Variants in FGGY observed in about 807,000 individuals in gnomAD.
FGGY encodes FGGY carbohydrate kinase domain-containing protein.
FGGY carries 72 observed loss-of-function variants against 71.3 expected under a neutral mutation model. The ratio of observed to expected loss-of-function variants is 1.01; its 90% CI spans 0.84 to 1.23. The LOEUF (loss-of-function observed/expected upper bound fraction) is 1.23, where lower values mean the gene tolerates loss of function less well. Among genes scored for constraint, FGGY ranks in the 50% most tolerant of loss-of-function variants. The pLI is 0.00. For synonymous variants in FGGY, 251 were observed against 250.3 expected, an observed-to-expected ratio of 1.00 and a Z score of -0.02; for missense variants, 668 against 682.3, an observed-to-expected ratio of 0.98 and a Z score of 0.23.
At chr1:59,518,008 C>G (rs1296444388) in intron 7 of FGGY, among the ~76,000 whole-genome samples, 1 of 152,220 alleles carries the variant, frequency 6.6e-6, no homozygotes, top group African/African-American at 2.4e-5. Context: ...CAAGAGCAAG[C>G]TTTGTTCCTT....
chr1:59,759,559 AG>A (rs1428164051), intron 15 of FGGY, among the ~76,000 whole-genome samples: 1 of 152,210 alleles, frequency 6.6e-6, no homozygotes, highest in Admixed American at 6.5e-5. Flanking sequence ...GTGTTCAGAG[AG>A]TCCTCCGCTG....
chr1:59,551,104 ATGGTGGTGG>A (rs2095601482), intron 7 of FGGY, among the ~76,000 whole-genome samples: 1 of 152,082 alleles, frequency 6.6e-6, no homozygotes, highest in South Asian at 2.1e-4. Flanking sequence ...GATGGTGATG[ATGGTGGTGG>A]TGGAGAGAGT....
At chr1:59,661,170 AT>A (rs2097270403) in intron 12 of FGGY, among the ~76,000 whole-genome samples, 1 of 152,264 alleles carries the variant, frequency 6.6e-6, no homozygotes, top group African/African-American at 2.4e-5. Flanking sequence ...ACGTACATAT[AT>A]GATATTCAAT....
At chr1:59,653,360 C>A (rs189388138) in intron 11 of FGGY, among the ~76,000 whole-genome samples, 5,178 of 152,204 alleles carry the variant, frequency 0.034, 170 homozygotes, top group African/African-American at 0.088. Context: ...GCCTTGCTGC[C>A]GCCTTGCAGT....
At chr1:59,468,926 T>C (rs991338992) in intron 6 of FGGY, among the ~76,000 whole-genome samples, 6 of 149,058 alleles carry the variant, frequency 4.0e-5, no homozygotes, top group Admixed American at 6.7e-5. Flanking sequence ...GATAGGTATA[T>C]GCTGGGGACA....
intron 8 of FGGY, among the ~76,000 whole-genome samples, chr1:59,568,427 A>G (rs796192624): frequency 1.7e-4 from 19 of 112,912 alleles, no homozygotes; most frequent in African/African-American, 6.3e-4. Flanking sequence ...AGGATTTACT[A>G]TGTTGTTACT....
At chr1:59,353,094 A>G (rs2053611131) in intron 4 of FGGY, among the ~76,000 whole-genome samples, 1 of 152,126 alleles carries the variant, frequency 6.6e-6, no homozygotes, top group South Asian at 2.1e-4. Flanking sequence ...TTGCATTTAA[A>G]TTTTTCTGTA....
intron 11 of FGGY, among the ~76,000 whole-genome samples, chr1:59,657,917 C>T (rs1281397138): frequency 6.6e-6 from 1 of 152,208 alleles, no homozygotes; most frequent in Non-Finnish European, 1.5e-5. Context: ...TGGTCTCCTC[C>T]TCTCTGATTG....
chr1:59,421,114 C>A (rs190053633), intron 5 of FGGY, among the ~76,000 whole-genome samples: 1 of 152,162 alleles, frequency 6.6e-6, no homozygotes, highest in African/African-American at 2.4e-5. Context: ...GGACCAGTTT[C>A]TTTGATTAAC....
chr1:59,472,478 C>G (rs1965806), intron 6 of FGGY, among the ~76,000 whole-genome samples: 54,877 of 152,044 alleles, frequency 0.36, 10,662 homozygotes, highest in Middle Eastern at 0.49. Context: ...GGGCGCACGG[C>G]GCGGGACTGG....
chr1:59,498,283 G>A (rs768244397), intron 6 of FGGY, among the ~76,000 whole-genome samples: 1 of 152,166 alleles, frequency 6.6e-6, no homozygotes, highest in South Asian at 2.1e-4. Flanking sequence ...CAGAAGAGAG[G>A]CCATCGTTTA....
intron 4 of FGGY, among the ~76,000 whole-genome samples, chr1:59,367,056 A>G (rs1180762057): frequency 1.3e-5 from 2 of 152,234 alleles, no homozygotes; most frequent in Non-Finnish European, 2.9e-5. Flanking sequence ...GCCAGACTAC[A>G]GAGTTAAAAT....
chr1:59,457,448 A>G (rs2091821082), intron 6 of FGGY, among the ~76,000 whole-genome samples: 1 of 152,132 alleles, frequency 6.6e-6, no homozygotes, highest in Non-Finnish European at 1.5e-5. Flanking sequence ...CATTTCTACA[A>G]GAAAAATACA....
At chr1:59,723,386 C>T (rs1327879355) in intron 14 of FGGY, among the ~76,000 whole-genome samples, 1 of 152,156 alleles carries the variant, frequency 6.6e-6, no homozygotes, top group African/African-American at 2.4e-5. Flanking sequence ...TAAATTCCCC[C>T]TCAAATAATG....
Position 59,431,381 on chromosome 1 carries a change from T to A in FGGY, c.555-25580T>A, listed in dbSNP as rs116813242. 4.1e-3 allele frequency among the ~76,000 whole-genome samples: 622 copies of A among 152,242 alleles called. 3 individuals carry two copies. Among genetic ancestry groups the A allele is most frequent in the African/African-American group, 0.014 (582 of 41,532 alleles). ...CACTACCATGGATCAAGCCCCATGG[T>A]TCCCTTTATTCTCTTTCAACTCTGT... On this transcript the variant is annotated intron_variant, in intron 5 of 15. Transcript: ENST00000303721.
intron 8 of FGGY, among the ~76,000 whole-genome samples, chr1:59,604,117 C>T (rs1430923408): frequency 6.6e-6 from 1 of 152,240 alleles, no homozygotes; most frequent in Non-Finnish European, 1.5e-5. Flanking sequence ...GCCGTTATTA[C>T]TGGGAAGTCA....
chr1:59,513,906 A>G (rs1373185165), intron 7 of FGGY, among the ~76,000 whole-genome samples: 3 of 152,228 alleles, frequency 2.0e-5, no homozygotes, highest in South Asian at 2.1e-4. Context: ...ATCTATGGAC[A>G]TGTCTGTCCT....
intron 14 of FGGY, among the ~76,000 whole-genome samples, chr1:59,739,936 T>C (rs1484975128): frequency 6.6e-6 from 1 of 152,164 alleles, no homozygotes; most frequent in Non-Finnish European, 1.5e-5. Flanking sequence ...TGGAGAATAA[T>C]GAAGTTGTTT....
At chr1:59,616,798 A>C (rs1449473531) in intron 9 of FGGY, among the ~76,000 whole-genome samples, 2 of 152,094 alleles carry the variant, frequency 1.3e-5, no homozygotes, top group East Asian at 3.9e-4. Context: ...TTCCAATCTC[A>C]GTTCCAAGAA....
Sources: allele counts gnomAD v4.1 joint callset (sites outside exome capture counted in the v4.1 genomes callset), GRCh38; gene constraint gnomAD v4.1.1; transcripts MANE v1.5; gene names NCBI Gene and HGNC (gene_info 2026-07-23, HGNC 2026-07-21).